Variants in GNAL observed in about 807,000 individuals in gnomAD.
The protein encoded by GNAL is guanine nucleotide-binding protein G(olf) subunit alpha.
Under a neutral mutation model 55.1 loss-of-function variants are expected in GNAL, and 18 were observed. The ratio of observed to expected loss-of-function variants is 0.33; its 90% CI spans 0.23 to 0.48. The LOEUF is 0.48. Among genes scored for constraint, GNAL ranks in the 20% least tolerant of loss-of-function variants. The pLI is 0.99. For missense variants in GNAL, 412 were observed against 614.1 expected, an observed-to-expected ratio of 0.67 and a Z score of 3.48; for synonymous variants, 253 against 237.0, an observed-to-expected ratio of 1.07 and a Z score of -0.62.
chr18:11,788,910 A>T (rs71363134), intron 4 of GNAL, among the ~76,000 whole-genome samples: 38,039 of 70,994 alleles, frequency 0.54, 10,265 homozygotes, highest in Admixed American at 0.66. Flanking sequence ...AAAAAAAAAA[A>T]AAAAATATAT....
chr18:11,752,465 C>G lies in GNAL; in HGVS notation c.377-388C>G. 1 of 1,611,354 alleles carries G rather than the reference C, an allele frequency of 6.2e-7. No individual in the cohort carries two copies. Among genetic ancestry groups the G allele is most frequent in the Non-Finnish European group, 8.5e-7 (1 of 1,178,882 alleles). On this transcript the variant is annotated intron_variant, in intron 1 of 11. Transcript: ENST00000334049. This position sits in a 1 kb window ranked among gnomAD's most constrained non-coding sequence, Gnocchi z 4.5. ...TGTTTGGGCGGCAACAGCAAGACGA[C>G]GGAAGACCAGGGCGTCGATGAAAAA...
At chr18:11,768,614 GC>G (rs1263312585) in intron 4 of GNAL, among the ~76,000 whole-genome samples, 2 of 146,126 alleles carry the variant, frequency 1.4e-5, no homozygotes, top group Non-Finnish European at 3.0e-5. Flanking sequence ...AAAAAAAAAG[GC>G]CAGGCGCAGT....
intron 1 of GNAL, among the ~76,000 whole-genome samples, chr18:11,693,766 C>G (rs1447098983): frequency 7.7e-6 from 1 of 129,482 alleles, no homozygotes; most frequent in Non-Finnish European, 1.6e-5. Flanking sequence ...TTTTTAATCC[C>G]AACACTTTAG....
intron 1 of GNAL, among the ~76,000 whole-genome samples, chr18:11,718,274 C>T (rs1246789648): frequency 6.6e-6 from 1 of 152,072 alleles, no homozygotes; most frequent in Non-Finnish European, 1.5e-5. Context: ...TGCAAATTGT[C>T]ATTCATTTTT....
rs1360004884 is a variant in GNAL at position 11,884,984 on chromosome 18, G to A, written c.*3849G>A. On this transcript the variant is annotated 3_prime_UTR_variant, in exon 12 of 12. Transcript: ENST00000334049. ...TGGAGTTCCAGGGTCATCGGTCAGC[G>A]AGGAACAAGGAGGGAAAGGTGTCTT... is the stretch of plus-strand genomic sequence containing the variant. 1.3e-5 allele frequency: 17 copies of A among 1,301,382 alleles called. No homozygotes were observed. The highest frequency in any genetic ancestry group is 4.2e-4 in the Middle Eastern group (2 of 4,764). 80.6% of individuals were successfully genotyped at this position (1,301,382 alleles called of 1,614,324 possible).
chr18:11,861,746 CT>C (rs1479556960), intron 5 of GNAL, among the ~76,000 whole-genome samples: 1 of 152,166 alleles, frequency 6.6e-6, no homozygotes, highest in Non-Finnish European at 1.5e-5. Context: ...CCCATCCTGC[CT>C]TGTGTGGGAC....
intron 4 of GNAL, among the ~76,000 whole-genome samples, chr18:11,769,659 TCAAA>T (rs1304839837): frequency 6.6e-6 from 1 of 152,240 alleles, no homozygotes. Flanking sequence ...AAGAATATGT[TCAAA>T]CAAATTGAAG....
chr18:11,870,709 C>T (rs181612726), intron 9 of GNAL, among the ~76,000 whole-genome samples: 91 of 152,230 alleles, frequency 6.0e-4, no homozygotes, highest in South Asian at 1.0e-3. Context: ...AGCGCGCACA[C>T]ACACAATACA....
chr18:11,879,038 T>G (rs1171532160), intron 11 of GNAL, among the ~76,000 whole-genome samples: 3 of 151,660 alleles, frequency 2.0e-5, no homozygotes, highest in Non-Finnish European at 4.4e-5. Context: ...CACACCAACA[T>G]GGCACATGTA....
chr18:11,767,177 T>G (rs1422771136), intron 4 of GNAL, among the ~76,000 whole-genome samples: 1 of 151,732 alleles, frequency 6.6e-6, no homozygotes, highest in African/African-American at 2.4e-5. Context: ...GCACACTTGC[T>G]CTCTGTGTGC....
intron 4 of GNAL, among the ~76,000 whole-genome samples, chr18:11,805,950 A>AG (rs2034647304): frequency 6.6e-6 from 1 of 152,200 alleles, no homozygotes; most frequent in Non-Finnish European, 1.5e-5. Context: ...AGTTGTGCTA[A>AG]TTTACATTCT....
At chr18:11,772,181 A>G (rs934302236) in intron 4 of GNAL, among the ~76,000 whole-genome samples, 5 of 152,226 alleles carry the variant, frequency 3.3e-5, no homozygotes, top group East Asian at 1.9e-4. Context: ...CAGTATGACT[A>G]TTATAGCAGA....
At chr18:11,783,054 ACT>A (rs1279717870) in intron 4 of GNAL, among the ~76,000 whole-genome samples, 28 of 152,258 alleles carry the variant, frequency 1.8e-4, no homozygotes, top group African/African-American at 6.3e-4. Context: ...AAAGTAACTA[ACT>A]CTGTCATTCT....
chr18:11,772,409 C>T (rs535702019), intron 4 of GNAL, among the ~76,000 whole-genome samples: 1 of 152,334 alleles, frequency 6.6e-6, no homozygotes, highest in South Asian at 2.1e-4. Context: ...TTGCAGGTTT[C>T]TCACTTCAAT....
intron 10 of GNAL, 142 bp from the exon 11 acceptor site, chr18:11,876,479 A>G (rs1238582169): frequency 1.4e-5 from 9 of 639,248 alleles, no homozygotes; most frequent in African/African-American, 1.9e-5. Context: ...AAAAAAGTAC[A>G]TGTTTGTTTT....
At chr18:11,750,823 T>C (rs1005270) in intron 1 of GNAL, among the ~76,000 whole-genome samples, 18,858 of 151,746 alleles carry the variant, frequency 0.12, 1,504 homozygotes, top group East Asian at 0.28. Flanking sequence ...ATGAAAGGTG[T>C]TGTGTGGTTC....
chr18:11,796,161 A>G (rs1038985824), intron 4 of GNAL, among the ~76,000 whole-genome samples: 1 of 152,340 alleles, frequency 6.6e-6, no homozygotes, highest in African/African-American at 2.4e-5. Context: ...GCAGGAAGCC[A>G]GTGAAAGGTG....
chr18:11,859,797 G>A (rs1326250118), intron 5 of GNAL, among the ~76,000 whole-genome samples: 2 of 151,700 alleles, frequency 1.3e-5, no homozygotes, highest in Admixed American at 1.3e-4. Flanking sequence ...CCAGGCTGGA[G>A]TGCAGTGGTG....
chr18:11,710,029 TA>T (rs1241149772), intron 1 of GNAL, among the ~76,000 whole-genome samples: 1 of 152,234 alleles, frequency 6.6e-6, no homozygotes, highest in African/African-American at 2.4e-5. Context: ...TGAATTTTGT[TA>T]AATGCTTTTT....
Sources: allele counts gnomAD v4.1 joint callset (sites outside exome capture counted in the v4.1 genomes callset), GRCh38; gene constraint gnomAD v4.1.1; non-coding constraint Gnocchi (gnomAD v3.1); transcripts MANE v1.5; gene names NCBI Gene and HGNC (gene_info 2026-07-23, HGNC 2026-07-21).